GSN: variants seen among roughly 807,000 people sequenced by gnomAD.
GSN encodes the protein actin-depolymerizing factor.
GSN carries 56 observed loss-of-function variants against 85.7 expected under a neutral mutation model. That is an observed-to-expected ratio of 0.65 (90% CI 0.53 to 0.82). The LOEUF (loss-of-function observed/expected upper bound fraction) is 0.82. Ranked by LOEUF, GSN falls within the 40% of genes least tolerant of loss-of-function variation. GSN has a pLI of 0.00. For synonymous variants in GSN, 373 were observed against 399.1 expected, an observed-to-expected ratio of 0.93 and a Z score of 0.78; for missense variants, 857 against 979.8, an observed-to-expected ratio of 0.87 and a Z score of 1.67.
Position 121,321,551 on chromosome 9 carries a change from T to C in GSN, c.1325+150T>C, listed in dbSNP as rs1227783762. ...TGTCCACAGGGCAACACCATTTGCTTATTTCTCCAAACAACTTTGAAACTC... is the reference window on the plus strand; with the variant it reads ...TGTCCACAGGGCAACACCATTTGCTCATTTCTCCAAACAACTTTGAAACTC... On this transcript the variant is annotated intron_variant, in intron 11 of 17. Coordinates refer to ENST00000432226, the MANE Select transcript of GSN (RefSeq NM_198252.3). The C allele has an allele frequency of 7.5e-6, 5 of 668,576 alleles. No individual in the cohort carries two copies. In the East Asian group the frequency reaches 1.3e-4, roughly 18 times the overall value. The allele number at this position is 668,576 out of a possible 1,614,324, so 41.4% of individuals were successfully genotyped here.
chr9:121,264,688 C>A (rs1211534199), upstream of GSN, among the ~76,000 whole-genome samples: 3 of 152,176 alleles, frequency 2.0e-5, no homozygotes, highest in Non-Finnish European at 4.4e-5. Flanking sequence ...CACTCTTATT[C>A]TTTCCATCCT....
chr9:121,249,993 G>A (rs1027717901), intron 6 of GSN, among the ~76,000 whole-genome samples: 1 of 152,154 alleles, frequency 6.6e-6, no homozygotes, highest in African/African-American at 2.4e-5. Flanking sequence ...AAGAAAGAGG[G>A]CTGTGTGGTT....
chr9:121,249,269 A>T (rs2054765916), intron 6 of GSN, among the ~76,000 whole-genome samples: 1 of 151,976 alleles, frequency 6.6e-6, no homozygotes, highest in Non-Finnish European at 1.5e-5. Context: ...GACCAACCTG[A>T]GCAACATGGT....
At chr9:121,228,681 T>C (rs1312875218) in intron 4 of GSN, among the ~76,000 whole-genome samples, 2 of 151,900 alleles carry the variant, frequency 1.3e-5, no homozygotes, top group Admixed American at 6.6e-5. Flanking sequence ...TGCCTCAGTC[T>C]CCCAAAGTGC....
chr9:121,275,432 G>C (rs1045868824), intron 1 of GSN, among the ~76,000 whole-genome samples: 2 of 152,170 alleles, frequency 1.3e-5, no homozygotes, highest in African/African-American at 4.8e-5. Context: ...ACTCCAAAGA[G>C]CCCTGGAAAG....
At chr9:121,271,945 A>C (rs953170217) in intron 1 of GSN, among the ~76,000 whole-genome samples, 3 of 152,234 alleles carry the variant, frequency 2.0e-5, no homozygotes, top group African/African-American at 7.2e-5. Flanking sequence ...AGCCAGGAAA[A>C]CTGGACACTC....
intron 6 of GSN, among the ~76,000 whole-genome samples, chr9:121,250,908 T>TGC (rs1554778761): frequency 1.4e-5 from 2 of 145,608 alleles, no homozygotes; most frequent in Non-Finnish European, 3.0e-5. Flanking sequence ...TGTGTGTGTG[T>TGC]GTGCTTTGAG....
At chr9:121,289,345 C>T (rs571856250) in intron 2 of GSN, among the ~76,000 whole-genome samples, 9 of 152,072 alleles carry the variant, frequency 5.9e-5, no homozygotes, top group Non-Finnish European at 1.3e-4. Flanking sequence ...CCCCCAGATC[C>T]CCTCTCTCTG....
chr9:121,212,963 A>C (rs546426802), intron 4 of GSN, among the ~76,000 whole-genome samples: 1 of 152,092 alleles, frequency 6.6e-6, no homozygotes. Flanking sequence ...CTCTTGACAA[A>C]GATCTTTTTC....
In GSN at chr9:121,332,379, T is replaced by C; in HGVS notation, c.2027-55T>C. 1 of 1,467,082 alleles carries C rather than the reference T, an allele frequency of 6.8e-7. No individual in the cohort carries two copies. The highest frequency in any genetic ancestry group is 1.1e-5 in the South Asian group (1 of 88,290). The allele number at this position is 1,467,082 out of a possible 1,614,324, so 90.9% of individuals were successfully genotyped here. On this transcript the variant is annotated intron_variant, in intron 17 of 17. Transcript: ENST00000432226. The surrounding 1 kb of genome is among the most constrained non-coding windows in gnomAD (Gnocchi z 4.8). ...CTGTCCTGAGTCACCCTCTCCCTGG[T>C]GTGGGAGGCACTAAGAATTCCTGGG...
chr9:121,238,018 A>G (rs2054531111), intron 5 of GSN: 3 of 152,258 alleles, frequency 2.0e-5, no homozygotes, highest in African/African-American at 7.2e-5. Flanking sequence ...TAACACGGTA[A>G]ACTCCAACAC....
intron 6 of GSN, among the ~76,000 whole-genome samples, chr9:121,260,635 G>T (rs112375616): frequency 1.5e-4 from 23 of 152,280 alleles, no homozygotes; most frequent in African/African-American, 3.9e-4. Flanking sequence ...GAGTTACTTT[G>T]TTCTATTGTC....
At chr9:121,220,296 A>G (rs1231580416) in intron 4 of GSN, among the ~76,000 whole-genome samples, 1 of 149,254 alleles carries the variant, frequency 6.7e-6, no homozygotes, top group Non-Finnish European at 1.5e-5. Context: ...AAGCCTGGAC[A>G]CCAGCCGGGG....
At chr9:121,326,895 C>T (rs216784) in intron 13 of GSN, 596,262 of 723,744 alleles carry the variant, frequency 0.82, 246,884 homozygotes, top group East Asian at 0.99. Context: ...ACACTTTGCA[C>T]AGTGGACAGC....
intron 6 of GSN, among the ~76,000 whole-genome samples, chr9:121,252,253 A>T (rs1016885669): frequency 1.3e-5 from 2 of 152,188 alleles, no homozygotes. Flanking sequence ...TGGAGTAGGT[A>T]GAAAAAGGGC....
At chr9:121,287,495 TC>T in intron 2 of GSN, among the ~76,000 whole-genome samples, 1 of 152,054 alleles carries the variant, frequency 6.6e-6, no homozygotes, top group South Asian at 2.1e-4. Context: ...ATCTATTGTT[TC>T]CTGAGCTCCT....
chr9:121,208,193 CTG>C (rs2132062110), intron 1 of GSN, among the ~76,000 whole-genome samples: 1 of 152,274 alleles, frequency 6.6e-6, no homozygotes, highest in South Asian at 2.1e-4. Context: ...GAAAGTGTAA[CTG>C]AAAGTATGTG....
chr9:121,223,785 G>A (rs768277074), intron 4 of GSN, among the ~76,000 whole-genome samples: 3 of 151,958 alleles, frequency 2.0e-5, no homozygotes, highest in Non-Finnish European at 4.4e-5. Flanking sequence ...TCAGCCTCCC[G>A]AGTAGCTGGG....
chr9:121,253,107 T>G (rs1271889878), intron 6 of GSN, among the ~76,000 whole-genome samples: 1 of 152,180 alleles, frequency 6.6e-6, no homozygotes, highest in East Asian at 1.9e-4. Flanking sequence ...CTTTAGCCTC[T>G]TCTTATAAGG....
Sources: allele counts gnomAD v4.1 joint callset (sites outside exome capture counted in the v4.1 genomes callset), GRCh38; gene constraint gnomAD v4.1.1; non-coding constraint Gnocchi (gnomAD v3.1); transcripts MANE v1.5; gene names NCBI Gene and HGNC (gene_info 2026-07-23, HGNC 2026-07-21).